Variants in RASAL2 observed in about 807,000 individuals in gnomAD.
RASAL2 encodes the protein ras GTPase-activating protein nGAP.
A neutral mutation model predicts 128.9 loss-of-function variants in RASAL2; 58 were observed. The observed-to-expected ratio is 0.45, with a 90% CI of 0.36 to 0.56. RASAL2 has a LOEUF of 0.56. Ranked by LOEUF, RASAL2 falls within the 20% of genes least tolerant of loss-of-function variation. The probability of loss-of-function intolerance (pLI) is 0.00; values close to 1 mark genes in which losing one functional copy is unlikely to be tolerated. For missense variants in RASAL2, 1,360 were observed against 1,601.6 expected (o/e 0.85, Z 2.57); for synonymous variants, 561 against 580.8 (o/e 0.97, Z 0.49).
intron 1 of RASAL2, among the ~76,000 whole-genome samples, chr1:178,114,819 G>C (rs971384982): frequency 1.3e-5 from 2 of 152,204 alleles, no homozygotes; most frequent in Admixed American, 1.3e-4. Flanking sequence ...ACTGCGCCCA[G>C]CCATTTTTGA....
At chr1:178,346,848 C>T (rs1318252930) in intron 3 of RASAL2, among the ~76,000 whole-genome samples, 1 of 152,136 alleles carries the variant, frequency 6.6e-6, no homozygotes, top group Non-Finnish European at 1.5e-5. Context: ...CCCTTGTAAA[C>T]ATTTTTTAGC....
At chr1:178,099,137 T>C (rs1571468914) in intron 1 of RASAL2, among the ~76,000 whole-genome samples, 1 of 152,162 alleles carries the variant, frequency 6.6e-6, no homozygotes, top group South Asian at 2.1e-4. Flanking sequence ...TAGAAGAAAA[T>C]CAGTGAGTGT....
chr1:178,314,929 TCCCTCCC>T lies in RASAL2; in HGVS notation c.457+14822_457+14828del. 3.3e-5 allele frequency among the ~76,000 whole-genome samples: 4 copies of T among 120,398 alleles called. No homozygotes were observed. In the Middle Eastern group the frequency reaches 0.016, roughly 485 times the overall value. 79.0% of individuals were successfully genotyped at this position (120,398 alleles called of 152,430 possible). ...GCATTAGGTATATCTCCCAATGCTATCCCTCCCCCCTCCCCCCACCCCACCACAGTCC... is the reference window on the plus strand; with the variant it reads ...GCATTAGGTATATCTCCCAATGCTATCCCTCCCCCCACCCCACCACAGTCC... On this transcript the variant is annotated intron_variant, in intron 3 of 17. Transcript: ENST00000367649.
Position 178,212,829 on chromosome 1 carries a change from T to C in RASAL2, c.203-70735T>C, listed in dbSNP as rs117843545. ...ATCTAACTCTTTAAATATCATAACATTGAAGGTATTTGAGTCTCATTGGTG... is the reference window on the plus strand; with the variant it reads ...ATCTAACTCTTTAAATATCATAACACTGAAGGTATTTGAGTCTCATTGGTG... On this transcript the variant is annotated intron_variant, in intron 1 of 17. Coordinates refer to ENST00000367649, the MANE Select transcript of RASAL2 (RefSeq NM_170692.4). Among the ~76,000 whole-genome samples, 193 of 152,230 alleles carry C rather than the reference T, an allele frequency of 1.3e-3. 1 individual carries two copies. Among genetic ancestry groups the C allele is most frequent in the East Asian group, 4.7e-3 (24 of 5,158 alleles).
At chr1:178,105,478 C>T (rs967125549) in intron 1 of RASAL2, among the ~76,000 whole-genome samples, 2 of 152,020 alleles carry the variant, frequency 1.3e-5, no homozygotes, top group African/African-American at 2.4e-5. Context: ...AAAAATAATC[C>T]CTTATCCAGT....
chr1:178,372,441 T>C, intron 3 of RASAL2: 1 of 773,222 alleles, frequency 1.3e-6, no homozygotes, highest in Non-Finnish European at 1.6e-6. Context: ...GAAGAGGAAT[T>C]AAGGGAATAT....
chr1:178,282,809 T>C (rs1361605499), intron 1 of RASAL2, among the ~76,000 whole-genome samples: 3 of 152,164 alleles, frequency 2.0e-5, no homozygotes, highest in Admixed American at 6.5e-5. Context: ...AGCTAATGTG[T>C]ACTTATAAAT....
chr1:178,241,442 T>C lies in RASAL2; in HGVS notation c.203-42122T>C, dbSNP rs1166614725. Among the ~76,000 whole-genome samples the C allele has an allele frequency of 2.6e-5, 4 of 152,288 alleles. No individual in the cohort carries two copies. The East Asian group carries it at 5.8e-4, about 22-fold the overall frequency. ...ACTTTATGTGTGAGGAGAAATACTT[T>C]AGGGGTACATATTAAATTTCCATGG... On this transcript the variant is annotated intron_variant, in intron 1 of 17. Transcript: ENST00000367649.
intron 1 of RASAL2, among the ~76,000 whole-genome samples, chr1:178,148,394 G>A (rs146401943): frequency 9.5e-4 from 144 of 152,026 alleles, no homozygotes; most frequent in African/African-American, 2.9e-3. Flanking sequence ...TTTATTAAAC[G>A]CATAGTCAAT....
chr1:178,198,597 A>G (rs1034047523), intron 1 of RASAL2, among the ~76,000 whole-genome samples: 10 of 152,190 alleles, frequency 6.6e-5, no homozygotes, highest in Non-Finnish European at 1.5e-4. Context: ...TCCACTCCAG[A>G]CCGTGTTTGC....
intron 5 of RASAL2, among the ~76,000 whole-genome samples, chr1:178,428,121 G>A (rs1004819092): frequency 8.6e-5 from 13 of 151,002 alleles, no homozygotes; most frequent in African/African-American, 2.4e-4. Context: ...TTGTTTCTTC[G>A]GTTGCTGAGT....
chr1:178,438,501 CA>C (rs956926072), intron 5 of RASAL2, among the ~76,000 whole-genome samples: 12 of 151,882 alleles, frequency 7.9e-5, no homozygotes, highest in African/African-American at 2.9e-4. Flanking sequence ...ATTATTGAGT[CA>C]AACTGCATGG....
chr1:178,155,270 A>T (rs1377192051), intron 1 of RASAL2, among the ~76,000 whole-genome samples: 3 of 152,184 alleles, frequency 2.0e-5, no homozygotes, highest in Non-Finnish European at 4.4e-5. Context: ...CATACATATC[A>T]TTCTGATCTA....
chr1:178,386,374 C>T (rs180901615), intron 3 of RASAL2, among the ~76,000 whole-genome samples: 94 of 152,220 alleles, frequency 6.2e-4, no homozygotes, highest in Admixed American at 1.0e-3. Flanking sequence ...TATTAAATGG[C>T]GAAGACCAGG....
intron 1 of RASAL2, among the ~76,000 whole-genome samples, chr1:178,100,269 A>T (rs553814837): frequency 6.6e-6 from 1 of 152,064 alleles, no homozygotes; most frequent in Admixed American, 6.5e-5. Context: ...TAATTCCAGC[A>T]CTTTAGGAGG....
chr1:178,372,052 G>T (rs1671748213), intron 3 of RASAL2: 1 of 554,172 alleles, frequency 1.8e-6, no homozygotes, highest in South Asian at 7.9e-5. Context: ...CCCTCCCCCT[G>T]GTTGTATTAG....
chr1:178,431,165 A>G (rs1282069748), intron 5 of RASAL2, among the ~76,000 whole-genome samples: 8 of 152,064 alleles, frequency 5.3e-5, no homozygotes, highest in African/African-American at 1.2e-4. Context: ...CCCTTTGTAA[A>G]CATAAACTGG....
intron 4 of RASAL2, among the ~76,000 whole-genome samples, chr1:178,406,058 AGTTGCCAT>A (rs899369634): frequency 1.3e-5 from 2 of 152,184 alleles, no homozygotes; most frequent in African/African-American, 2.4e-5. Context: ...CCCCTTAAAA[AGTTGCCAT>A]GTCGTCTTGT....
At chr1:178,303,844 T>A (rs1667874901) in intron 3 of RASAL2, among the ~76,000 whole-genome samples, 3 of 152,114 alleles carry the variant, frequency 2.0e-5, no homozygotes, top group African/African-American at 7.2e-5. Flanking sequence ...AGACACAAAT[T>A]AGTACATCCT....
Sources: gnomAD v4.1 joint callset for allele counts (sites outside exome capture counted in the v4.1 genomes callset) on GRCh38, gnomAD v4.1.1 for gene constraint, MANE v1.5 for transcripts, NCBI Gene and HGNC (gene_info 2026-07-23, HGNC 2026-07-21) for gene names.